Variants in ANKAR observed in about 807,000 individuals in gnomAD.
The protein encoded by ANKAR is ankyrin and armadillo repeat-containing protein.
Under a neutral mutation model 146.2 loss-of-function variants are expected in ANKAR, and 136 were observed. The ratio of observed to expected loss-of-function variants is 0.93; its 90% confidence interval spans 0.81 to 1.07. The LOEUF (loss-of-function observed/expected upper bound fraction) is 1.07. Among genes scored for constraint, ANKAR ranks in the 50% least tolerant of loss-of-function variants. The pLI is 0.00. For synonymous variants in ANKAR, 500 were observed against 575.8 expected, an observed-to-expected ratio of 0.87 and a Z score of 1.88; for missense variants, 1,567 against 1,679.9, an observed-to-expected ratio of 0.93 and a Z score of 1.18.
intron 15 of ANKAR, 78 bp from the exon 16 acceptor site, chr2:189,730,417 C>T: frequency 3.5e-6 from 3 of 859,258 alleles, no homozygotes; most frequent in Admixed American, 5.8e-5. Flanking sequence ...TTTGTCAACC[C>T]AAAATATCAA....
In ANKAR at chr2:189,696,283, C is replaced by A; in HGVS notation, c.1622C>A (p.Ala541Asp). 1 of 1,614,040 alleles carries A rather than the reference C, an allele frequency of 6.2e-7. No homozygotes were observed. The highest frequency in any genetic ancestry group is 8.5e-7 in the Non-Finnish European group (1 of 1,179,996). The change falls in exon 7 of 23, where the codon GCC becomes GAC. Residue 541 changes from alanine (A) to aspartate (D), a missense_variant. Ala to Asp is a moderately radical substitution (Grantham distance 126). Transcript: ENST00000684021. Reference sequence around the variant, plus strand: ...GGTTATACTATTTTTCATCATGCTGCCCTGCACAACAGAGTTTCTATTATA... The same window carrying A: ...GGTTATACTATTTTTCATCATGCTGACCTGCACAACAGAGTTTCTATTATA... ...EAGYTIFHHA[A>D]LHNRVSIICQ...
chr2:189,744,164 C>T (rs577196847), intron 21 of ANKAR, among the ~76,000 whole-genome samples: 27 of 152,204 alleles, frequency 1.8e-4, no homozygotes, highest in Non-Finnish European at 2.9e-4. Flanking sequence ...ATAGTGCATC[C>T]GAATAGGACC....
At chr2:189,731,940 G>C (rs1227856623) in intron 16 of ANKAR, among the ~76,000 whole-genome samples, 1 of 152,090 alleles carries the variant, frequency 6.6e-6, no homozygotes, top group East Asian at 1.9e-4. Context: ...GGGCTCAAGA[G>C]ATCCTCCACC....
chr2:189,725,088 C>T (rs1189931712), intron 12 of ANKAR, among the ~76,000 whole-genome samples: 1 of 151,804 alleles, frequency 6.6e-6, no homozygotes, highest in Non-Finnish European at 1.5e-5. Context: ...ATGATAAGTA[C>T]CATAGGACTA....
intron 12 of ANKAR, among the ~76,000 whole-genome samples, chr2:189,725,769 A>G (rs891158284): frequency 2.0e-5 from 3 of 152,124 alleles, no homozygotes; most frequent in Non-Finnish European, 4.4e-5. Context: ...TTAGCTGGGC[A>G]TGGTGGCACA....
At position 189,676,961 on chromosome 2, in the gene ANKAR, A is replaced by G. The variant is rs1450258967; in HGVS notation, c.471A>G (p.Leu157=). 1.2e-6 allele frequency: 2 copies of G among 1,614,068 alleles called. No individual in the cohort carries two copies. The highest frequency in any genetic ancestry group is 1.7e-6 in the Non-Finnish European group (2 of 1,180,042). Residue 157 remains leucine, a synonymous_variant, in exon 2 of 23, where the codon CTA becomes CTG. Coordinates refer to ENST00000684021, the MANE Select transcript of ANKAR (RefSeq NM_001378068.1). ...ATATTGACTACATGCTGAAAGCACTATGGCATGGAATATATATGCCCAAAG... is the reference window on the plus strand; with the variant it reads ...ATATTGACTACATGCTGAAAGCACTGTGGCATGGAATATATATGCCCAAAG... ...LINIDYMLKA[L]WHGIYMPKEK...
chr2:189,711,090 G>A lies in ANKAR; in HGVS notation c.2161G>A (p.Val721Ile), dbSNP rs530022067. 4.4e-5 allele frequency: 71 copies of A among 1,613,986 alleles called. No individual in the cohort carries two copies. The highest frequency in any genetic ancestry group is 1.5e-4 in the Admixed American group (9 of 60,016). Residue 721 changes from valine to isoleucine, a missense_variant, in exon 10 of 23, where the codon GTC becomes ATC. By Grantham distance (29) the Val-to-Ile change is conservative (BLOSUM62 3). Transcript: ENST00000684021. ...CESYKRRMMA[V>I]MSLEVICLAN... is the part of the protein sequence containing the mutation. Reference sequence around the variant, plus strand: ...AAGCTATAAACGAAGGATGATGGCCGTCATGTCCTTGGAAGTAATTTGCTT... The same window carrying A: ...AAGCTATAAACGAAGGATGATGGCCATCATGTCCTTGGAAGTAATTTGCTT...
At chr2:189,744,858 C>T in intron 22 of ANKAR, 70 bp downstream of exon 22, 1 of 1,286,050 alleles carries the variant, frequency 7.8e-7, no homozygotes, top group Non-Finnish European at 1.1e-6. Flanking sequence ...TATTCCATCT[C>T]TAAAAATTCA....
At chr2:189,711,216 A>T in intron 10 of ANKAR, 63 bp downstream of exon 10, 1 of 1,221,982 alleles carries the variant, frequency 8.2e-7, no homozygotes. Flanking sequence ...TTTATTCATC[A>T]GTCATTTTTA....
chr2:189,758,250 G>A (rs541812992), intron 18 of ANKAR, among the ~76,000 whole-genome samples: 2 of 152,026 alleles, frequency 1.3e-5, no homozygotes, highest in African/African-American at 2.4e-5. Context: ...GCATGGTGGC[G>A]CATGCCTATA....
chr2:189,761,981 A>C (rs1032358186), downstream of ANKAR, among the ~76,000 whole-genome samples: 2 of 152,220 alleles, frequency 1.3e-5, no homozygotes, highest in African/African-American at 4.8e-5. Context: ...ATTTTTTGAC[A>C]GCTAAAATTA....
intron 5 of ANKAR, among the ~76,000 whole-genome samples, chr2:189,693,409 A>G (rs1365366495): frequency 6.6e-6 from 1 of 152,202 alleles, no homozygotes; most frequent in Non-Finnish European, 1.5e-5. Flanking sequence ...ATTAGTTCTT[A>G]TAATTAACAG....
chr2:189,748,137 C>A (rs780613703), downstream of ANKAR, among the ~76,000 whole-genome samples: 1 of 152,182 alleles, frequency 6.6e-6, no homozygotes, highest in Non-Finnish European at 1.5e-5. Context: ...CCGATATGTA[C>A]TTAGGGCTTT....
intron 10 of ANKAR, among the ~76,000 whole-genome samples, chr2:189,712,081 A>G (rs1177349965): frequency 2.0e-5 from 3 of 152,232 alleles, no homozygotes; most frequent in Admixed American, 6.5e-5. Context: ...TAGGTAAACA[A>G]AGCGGCCGGG....
At chr2:189,703,501 G>A (rs1233088900) in intron 7 of ANKAR, among the ~76,000 whole-genome samples, 2 of 152,162 alleles carry the variant, frequency 1.3e-5, no homozygotes, top group African/African-American at 4.8e-5. Context: ...GGTTTGGAGG[G>A]AAGGATAGTA....
At chr2:189,723,545 T>C (rs2041541307) in intron 12 of ANKAR, among the ~76,000 whole-genome samples, 1 of 152,170 alleles carries the variant, frequency 6.6e-6, no homozygotes, top group South Asian at 2.1e-4. Context: ...TTGGAATGAT[T>C]ATTCACATAT....
chr2:189,736,502 T>TTTTTTTGTGTGTG lies in ANKAR; in HGVS notation c.3424-1180_3424-1179insTTTTTGTGTGTGT, dbSNP rs1422561376. The stretch of plus-strand genomic sequence containing the variant: ...TTTTGCCTATTTAGGTGACTGGGTT[T>TTTTTTTGTGTGTG]TGTGTGTGTGTGTGTGTGTGTGTGT... On this transcript the variant is annotated intron_variant, in intron 17 of 22. Coordinates refer to ENST00000684021, the MANE Select transcript of ANKAR (RefSeq NM_001378068.1). Among the ~76,000 whole-genome samples the TTTTTTTGTGTGTG allele has an allele frequency of 7.7e-5, 11 of 142,066 alleles. 1 individual carries two copies. The highest frequency in any genetic ancestry group is 2.8e-4 in the African/African-American group (11 of 39,132). The allele number at this position is 142,066 out of a possible 152,430, so 93.2% of individuals were successfully genotyped here. A position where few individuals can be genotyped will look rare whatever the true frequency, so the allele number is the denominator to read the frequency against.
chr2:189,743,770 A>T (rs1449595706), intron 21 of ANKAR, among the ~76,000 whole-genome samples: 1 of 152,194 alleles, frequency 6.6e-6, no homozygotes, highest in Non-Finnish European at 1.5e-5. Context: ...TGATTCAAGA[A>T]GTCACTTTTT....
At chr2:189,704,904 C>A in intron 7 of ANKAR, 119 bp from the exon 8 acceptor site, 2 of 878,062 alleles carry the variant, frequency 2.3e-6, no homozygotes, top group South Asian at 2.2e-5. Flanking sequence ...TTAATGCTTA[C>A]TTTGGAGATT....
Sources: gnomAD v4.1 joint callset for allele counts (sites outside exome capture counted in the v4.1 genomes callset) on GRCh38, gnomAD v4.1.1 for gene constraint, MANE v1.5 for transcripts, NCBI Gene and HGNC (gene_info 2026-07-23, HGNC 2026-07-21) for gene names.